The following UVRAG variants were observed in gnomAD, a reference collection of about 807,000 sequenced individuals.
UVRAG encodes the protein UV radiation resistance-associated gene protein.
In UVRAG, 19 loss-of-function variants were observed where a neutral mutation model predicts 78.0. That is an observed-to-expected ratio of 0.24 (90% CI 0.17 to 0.36). The LOEUF (loss-of-function observed/expected upper bound fraction) is 0.36. UVRAG is among the 10% of genes least tolerant of loss of function. UVRAG has a pLI of 1.00. For missense variants in UVRAG, 740 were observed against 853.8 expected (o/e 0.87, Z 1.66); for synonymous variants, 323 against 324.6 (o/e 1.00, Z 0.05).
chr11:76,097,149 A>G (rs953142652), intron 13 of UVRAG, among the ~76,000 whole-genome samples: 1 of 151,912 alleles, frequency 6.6e-6, no homozygotes, highest in African/African-American at 2.4e-5. Context: ...TAAAACCATC[A>G]TCCTTCTTTG....
chr11:76,123,396 A>G (rs1043541864), intron 14 of UVRAG, among the ~76,000 whole-genome samples: 1 of 152,220 alleles, frequency 6.6e-6, no homozygotes, highest in South Asian at 2.1e-4. Context: ...TTTCAACTTC[A>G]TTGGTTAAGA....
At chr11:75,886,694 T>TAGGAGATACAG (rs1484936803) in intron 4 of UVRAG, among the ~76,000 whole-genome samples, 1 of 152,168 alleles carries the variant, frequency 6.6e-6, no homozygotes, top group African/African-American at 2.4e-5. Context: ...GTGATAGAGG[T>TAGGAGATACAG]AGGAGATACA....
chr11:75,835,315 G>C (rs894572273), intron 1 of UVRAG: 1 of 152,158 alleles, frequency 6.6e-6, no homozygotes, highest in Non-Finnish European at 1.5e-5. Context: ...CATTACCTTT[G>C]GATCAGCTTA....
chr11:75,915,789 T>C (rs546513192), intron 6 of UVRAG, among the ~76,000 whole-genome samples: 7 of 152,320 alleles, frequency 4.6e-5, no homozygotes, highest in Admixed American at 1.3e-4. Context: ...TTGGTTCTGT[T>C]TTTTTAAAGT....
At chr11:76,010,617 G>T (rs114656333) in intron 11 of UVRAG, among the ~76,000 whole-genome samples, 51 of 152,244 alleles carry the variant, frequency 3.3e-4, no homozygotes, top group African/African-American at 1.2e-3. Flanking sequence ...TGTATTTTGG[G>T]TAAATCATGT....
At chr11:75,877,836 G>T (rs1432179611) in intron 3 of UVRAG, among the ~76,000 whole-genome samples, 2 of 126,758 alleles carry the variant, frequency 1.6e-5, no homozygotes, top group Non-Finnish European at 3.4e-5. Context: ...CTCACCTCCC[G>T]GACGGGGCGG....
chr11:75,826,993 T>G (rs1465133771), intron 1 of UVRAG, among the ~76,000 whole-genome samples: 4 of 152,150 alleles, frequency 2.6e-5, no homozygotes, highest in Non-Finnish European at 5.9e-5. Flanking sequence ...ATAGCTGGCG[T>G]TTTTTCCTAC....
In UVRAG at chr11:75,921,574, C is replaced by T. The variant is rs532626720; in HGVS notation, c.593+9535C>T. On this transcript the variant is annotated intron_variant, in intron 6 of 14. Coordinates refer to ENST00000356136, the MANE Select transcript of UVRAG (RefSeq NM_003369.4). ...TGTTTTCTGTTTTATATTTTCTGGGCACTCTTGAGTTGAAGAGGACTCTCC... is the reference window on the plus strand; with the variant it reads ...TGTTTTCTGTTTTATATTTTCTGGGTACTCTTGAGTTGAAGAGGACTCTCC... Among the ~76,000 whole-genome samples, 22 of 152,122 alleles carry T rather than the reference C, an allele frequency of 1.4e-4. No individual in the cohort carries two copies. In the East Asian group the frequency reaches 4.2e-3, roughly 29 times the overall value.
At chr11:75,974,731 T>G (rs1368584522) in intron 7 of UVRAG, among the ~76,000 whole-genome samples, 1 of 151,090 alleles carries the variant, frequency 6.6e-6, no homozygotes, top group African/African-American at 2.5e-5. Context: ...GTTGTTTGAT[T>G]TTTTCTTGTA....
Position 76,068,437 on chromosome 11 carries a change from C to T in UVRAG, c.1305+2649C>T, listed in dbSNP as rs372340005. Among the ~76,000 whole-genome samples, 7 of 152,264 alleles carry T rather than the reference C, an allele frequency of 4.6e-5. No individual in the cohort carries two copies. In the East Asian group the frequency reaches 7.7e-4, roughly 17 times the overall value. ...ATATGCTCTTTGAAAATTGAGAGAA[C>T]AATCAATAGGTTAACTACTCTGAAT... On this transcript the variant is annotated intron_variant, in intron 13 of 14. Transcript: ENST00000356136.
chr11:76,100,266 A>G (rs1424016438), intron 13 of UVRAG, among the ~76,000 whole-genome samples: 1 of 152,148 alleles, frequency 6.6e-6, no homozygotes, highest in Non-Finnish European at 1.5e-5. Context: ...TCCCCTGAGC[A>G]CTTAAATTAG....
intron 8 of UVRAG, 41 bp downstream of exon 8, chr11:75,983,554 C>T: frequency 4.0e-6 from 6 of 1,506,752 alleles, no homozygotes; most frequent in Non-Finnish European, 5.4e-6. Context: ...CCTCCACATT[C>T]AGTAGTTCTC....
intron 1 of UVRAG, among the ~76,000 whole-genome samples, chr11:75,822,694 A>G (rs1351355047): frequency 6.6e-6 from 1 of 150,584 alleles, no homozygotes; most frequent in East Asian, 1.9e-4. Context: ...AAACAATATT[A>G]CACAGGATAC....
chr11:76,033,801 A>G (rs1167098757), intron 12 of UVRAG, among the ~76,000 whole-genome samples: 2 of 152,200 alleles, frequency 1.3e-5, no homozygotes, highest in African/African-American at 2.4e-5. Flanking sequence ...ATGCCATTTT[A>G]TATCCATCAA....
chr11:75,853,050 A>G (rs1202946528), intron 2 of UVRAG, among the ~76,000 whole-genome samples: 4 of 152,038 alleles, frequency 2.6e-5, no homozygotes, highest in Admixed American at 2.6e-4. Context: ...AGCTGGGACT[A>G]CAGGTGTGAG....
chr11:76,139,549 G>A (rs773278064), intron 14 of UVRAG, among the ~76,000 whole-genome samples: 19 of 152,092 alleles, frequency 1.2e-4, no homozygotes, highest in African/African-American at 2.2e-4. Context: ...CCCTCTATGC[G>A]TGTTTCCTCA....
chr11:75,833,060 G>A (rs1293672176), intron 1 of UVRAG, among the ~76,000 whole-genome samples: 4 of 152,088 alleles, frequency 2.6e-5, no homozygotes, highest in African/African-American at 9.7e-5. Flanking sequence ...TTGGAATTTG[G>A]ACATTATCCT....
intron 8 of UVRAG, among the ~76,000 whole-genome samples, chr11:75,992,431 G>A (rs907849880): frequency 1.3e-5 from 2 of 152,078 alleles, no homozygotes; most frequent in Non-Finnish European, 2.9e-5. Flanking sequence ...GAATTACTTT[G>A]TATTCCCCTG....
At chr11:76,065,583 T>C (rs1951170496) in intron 12 of UVRAG, 127 bp from the exon 13 acceptor site, 2 of 703,414 alleles carry the variant, frequency 2.8e-6, no homozygotes, top group Non-Finnish European at 4.9e-6. Flanking sequence ...GCAATGACTA[T>C]AGCTAGGTGA....
Sources: gnomAD v4.1 joint callset for allele counts (sites outside exome capture counted in the v4.1 genomes callset) on GRCh38, gnomAD v4.1.1 for gene constraint, MANE v1.5 for transcripts, NCBI Gene and HGNC (gene_info 2026-07-23, HGNC 2026-07-21) for gene names.